PRTG: variants seen among roughly 807,000 people sequenced by gnomAD.
PRTG encodes the protein protogenin.
PRTG carries 67 observed loss-of-function variants against 122.5 expected under a neutral mutation model. The observed-to-expected ratio is 0.55, with a 90% CI of 0.45 to 0.67. The LOEUF (loss-of-function observed/expected upper bound fraction) is 0.67. Among genes scored for constraint, PRTG ranks in the 30% least tolerant of loss-of-function variants. The pLI is 0.00. For synonymous variants in PRTG, 554 were observed against 501.1 expected (o/e 1.11, Z -1.41); for missense variants, 1,435 against 1,415.4 (o/e 1.01, Z -0.22).
At chr15:55,676,951 C>T (rs954716113) in intron 8 of PRTG, among the ~76,000 whole-genome samples, 1 of 152,102 alleles carries the variant, frequency 6.6e-6, no homozygotes, top group Non-Finnish European at 1.5e-5. Context: ...AACAACAAAC[C>T]ACCTGTTTCT....
At position 55,612,077 on chromosome 15, in the gene PRTG, A is replaced by G. The variant is rs2059122723; in HGVS notation, c.*7935T>C. On this transcript the variant is annotated 3_prime_UTR_variant, in exon 20 of 20. Coordinates refer to ENST00000389286, the MANE Select transcript of PRTG (RefSeq NM_173814.6). ...TTTGTCCAACAACAGCAACAAGCAGACACATTTTCTTAACATATGTCCTCT... is the reference window on the plus strand; with the variant it reads ...TTTGTCCAACAACAGCAACAAGCAGGCACATTTTCTTAACATATGTCCTCT... The G allele has an allele frequency of 6.6e-6, 1 of 152,088 alleles. No homozygotes were observed. The highest frequency in any genetic ancestry group is 1.5e-5 in the Non-Finnish European group (1 of 67,942). 9.4% of individuals were successfully genotyped at this position (152,088 alleles called of 1,614,324 possible).
chr15:55,685,161 G>A (rs1254911969), intron 2 of PRTG, among the ~76,000 whole-genome samples: 3 of 152,074 alleles, frequency 2.0e-5, no homozygotes, highest in Non-Finnish European at 4.4e-5. Context: ...AAAATGAGAA[G>A]TTATGAAGAA....
At chr15:55,728,771 A>C (rs199736045) in intron 2 of PRTG, among the ~76,000 whole-genome samples, 6 of 138,756 alleles carry the variant, frequency 4.3e-5, no homozygotes, top group Non-Finnish European at 4.8e-5. Flanking sequence ...CTAAAAAAAA[A>C]AAAGGCATCC....
At chr15:55,652,908 G>A (rs1198407203) in intron 11 of PRTG, among the ~76,000 whole-genome samples, 1 of 152,006 alleles carries the variant, frequency 6.6e-6, no homozygotes, top group East Asian at 1.9e-4. Context: ...GTTAATTCAT[G>A]ATGATTAAAA....
intron 2 of PRTG, among the ~76,000 whole-genome samples, chr15:55,686,316 C>T (rs1430357933): frequency 6.6e-6 from 1 of 152,066 alleles, no homozygotes; most frequent in African/African-American, 2.4e-5. Context: ...ATAATCCAGT[C>T]CATATTCAAT....
chr15:55,721,030 T>G (rs1445198208), intron 2 of PRTG, among the ~76,000 whole-genome samples: 1 of 152,066 alleles, frequency 6.6e-6, no homozygotes, highest in Non-Finnish European at 1.5e-5. Context: ...TTCCCTACAT[T>G]TGCTTCTCCT....
intron 11 of PRTG, among the ~76,000 whole-genome samples, chr15:55,646,692 T>C (rs957755604): frequency 6.6e-6 from 1 of 152,202 alleles, no homozygotes; most frequent in African/African-American, 2.4e-5. Flanking sequence ...AGGGTTAAAC[T>C]TGCTTAAAGA....
At chr15:55,656,296 T>A (rs1429351676) in intron 11 of PRTG, 2 of 449,716 alleles carry the variant, frequency 4.4e-6, no homozygotes, top group Non-Finnish European at 8.9e-6. Context: ...CCAGTTGAGC[T>A]GTTTTGTGGA....
At chr15:55,714,808 T>G (rs2030538886) in intron 2 of PRTG, among the ~76,000 whole-genome samples, 1 of 152,164 alleles carries the variant, frequency 6.6e-6, no homozygotes, top group African/African-American at 2.4e-5. Context: ...AAACATAGCT[T>G]GATGTTGCTA....
At chr15:55,702,945 G>C in intron 2 of PRTG, 1 of 984,812 alleles carries the variant, frequency 1.0e-6, no homozygotes, top group African/African-American at 1.7e-5. Context: ...GTCAGTTCCG[G>C]GGTCCCCTGA....
chr15:55,742,571 G>T, intron 1 of PRTG: 1 of 443,626 alleles, frequency 2.3e-6, no homozygotes, highest in Non-Finnish European at 4.0e-6. Context: ...CCAGAACTCC[G>T]CAGCCACGGG....
chr15:55,653,532 C>T (rs1431233341), intron 11 of PRTG, among the ~76,000 whole-genome samples: 2 of 151,072 alleles, frequency 1.3e-5, no homozygotes, highest in South Asian at 4.2e-4. Flanking sequence ...GGTGCGATCT[C>T]GGCTCACTGC....
Position 55,620,270 on chromosome 15 carries a change from GGC to G in PRTG, c.3199-6_3199-5del. The G allele has an allele frequency of 6.2e-7, 1 of 1,609,058 alleles. No homozygotes were observed. The highest frequency in any genetic ancestry group is 8.5e-7 in the Non-Finnish European group (1 of 1,178,482). On this transcript the variant is annotated splice_region_variant and splice_polypyrimidine_tract_variant and intron_variant, in intron 19 of 19. Transcript: ENST00000389286. ...CTGGAGTAAATCTTCTTTGAGGCTA[GGC>G]AAAAAAAGATAAGATGGCAATGAGA... is the stretch of plus-strand genomic sequence containing the variant.
At chr15:55,724,939 G>A (rs1473907279) in intron 2 of PRTG, among the ~76,000 whole-genome samples, 2 of 152,120 alleles carry the variant, frequency 1.3e-5, no homozygotes, top group African/African-American at 2.4e-5. Context: ...AGGCTGAAAC[G>A]AAAGGACATT....
rs1338851099 is a variant in PRTG, at chr15:55,619,718, CAA to C, written c.*292_*293del. ...CTGACAATGAAACATTCAAATTACA[CAA>C]GTTTAAAAATAAAAAACAAAACACA... On this transcript the variant is annotated 3_prime_UTR_variant, in exon 20 of 20. Coordinates refer to ENST00000389286, the MANE Select transcript of PRTG (RefSeq NM_173814.6). 1.5e-5 allele frequency: 5 copies of C among 336,278 alleles called. No homozygotes were observed. The highest frequency in any genetic ancestry group is 2.7e-5 in the Non-Finnish European group (5 of 186,068). The allele number at this position is 336,278 out of a possible 1,614,324, so 20.8% of individuals were successfully genotyped here.
chr15:55,630,277 C>T (rs752779353), intron 15 of PRTG, among the ~76,000 whole-genome samples: 7 of 152,130 alleles, frequency 4.6e-5, no homozygotes, highest in East Asian at 1.9e-4. Context: ...TGAGCCACCA[C>T]GCCCGGCCAA....
chr15:55,697,341 G>A (rs759506959), intron 2 of PRTG, among the ~76,000 whole-genome samples: 2 of 152,154 alleles, frequency 1.3e-5, no homozygotes, highest in Non-Finnish European at 2.9e-5. Context: ...ACAGTGCCCT[G>A]CATACAACAG....
In PRTG at chr15:55,743,151, G is replaced by A. The variant is rs1189651750; in HGVS notation, c.-220C>T. On this transcript the variant is annotated 5_prime_UTR_variant, in exon 1 of 20. Transcript: ENST00000389286. ...GCCTGAGAGTCCGGCTGGGGGCGGA[G>A]TGAGGCGGCGGCTGCAGAGGGCGGG... 7 of 1,243,470 alleles carry A rather than the reference G, an allele frequency of 5.6e-6. No individual in the cohort carries two copies. In the African/African-American group the frequency reaches 9.4e-5, roughly 17 times the overall value. The allele number at this position is 1,243,470 out of a possible 1,614,324, so 77.0% of individuals were successfully genotyped here.
At chr15:55,669,153 C>A (rs2059454425) in intron 11 of PRTG, among the ~76,000 whole-genome samples, 1 of 150,240 alleles carries the variant, frequency 6.7e-6, no homozygotes, top group African/African-American at 2.5e-5. Context: ...AAATTAAAAA[C>A]TTAATTATCA....
Sources: gnomAD v4.1 joint callset for allele counts (sites outside exome capture counted in the v4.1 genomes callset) on GRCh38, gnomAD v4.1.1 for gene constraint, MANE v1.5 for transcripts, NCBI Gene and HGNC (gene_info 2026-07-23, HGNC 2026-07-21) for gene names.